The following ITSN2 variants were observed in gnomAD, a reference collection of about 807,000 sequenced individuals.
The protein encoded by ITSN2 is intersectin 2.
A neutral mutation model predicts 243.7 loss-of-function variants in ITSN2; 156 were observed. The observed-to-expected ratio is 0.64, with a 90% CI of 0.56 to 0.73. The LOEUF (loss-of-function observed/expected upper bound fraction) is 0.73, where lower values mean the gene tolerates loss of function less well. Among genes scored for constraint, ITSN2 ranks in the 30% least tolerant of loss-of-function variants. The probability of loss-of-function intolerance (pLI) is 0.00; values close to 1 mark genes in which losing one functional copy is unlikely to be tolerated. For missense variants in ITSN2, 1,801 were observed against 1,996.1 expected (o/e 0.90, Z 1.86); for synonymous variants, 703 against 699.9 (o/e 1.00, Z -0.07).
chr2:24,268,935 C>T (rs1323200380), intron 20 of ITSN2, among the ~76,000 whole-genome samples: 1 of 152,182 alleles, frequency 6.6e-6, no homozygotes, highest in Non-Finnish European at 1.5e-5. Flanking sequence ...GTCCACTTAA[C>T]TGATACTGCT....
chr2:24,296,273 T>C (rs1031172572), intron 13 of ITSN2, among the ~76,000 whole-genome samples: 1 of 152,202 alleles, frequency 6.6e-6, no homozygotes, highest in Non-Finnish European at 1.5e-5. Flanking sequence ...TGTTCTATAC[T>C]AATATTCTTC....
rs1048819778 is a variant in ITSN2 at position 24,249,024 on chromosome 2, G to A, written c.3121-142C>T. On this transcript the variant is annotated intron_variant, in intron 25 of 39. Transcript: ENST00000355123. This position sits in a 1 kb window ranked among gnomAD's most constrained non-coding sequence, Gnocchi z 4.4. ...AGATGAAAATGACAATGAACCTCATGCAGTATTAACAAATAAGTGAAAAAT... is the reference window on the plus strand; with the variant it reads ...AGATGAAAATGACAATGAACCTCATACAGTATTAACAAATAAGTGAAAAAT... The A allele has an allele frequency of 2.4e-6, 2 of 824,920 alleles. No homozygotes were observed. Among genetic ancestry groups the A allele is most frequent in the Non-Finnish European group, 3.9e-6 (2 of 517,600 alleles). 51.1% of individuals were successfully genotyped at this position (824,920 alleles called of 1,614,324 possible). A position where few individuals can be genotyped will look rare whatever the true frequency, so the allele number is the denominator to read the frequency against.
intron 37 of ITSN2, among the ~76,000 whole-genome samples, chr2:24,205,874 A>T (rs1668811042): frequency 6.6e-6 from 1 of 152,214 alleles, no homozygotes; most frequent in Non-Finnish European, 1.5e-5. Flanking sequence ...CTGATAATGT[A>T]GCTCCCCATT....
intron 20 of ITSN2, among the ~76,000 whole-genome samples, chr2:24,267,626 C>A (rs542533417): frequency 1.3e-5 from 2 of 152,314 alleles, no homozygotes; most frequent in East Asian, 3.9e-4. Flanking sequence ...GCAATCACAG[C>A]TCACTGTAGC....
chr2:24,274,350 G>A (rs987667677), intron 18 of ITSN2, among the ~76,000 whole-genome samples: 2 of 152,084 alleles, frequency 1.3e-5, no homozygotes, highest in East Asian at 1.9e-4. Context: ...TGGGCAGATC[G>A]CTTGAGCCCA....
At chr2:24,320,637 C>G (rs1268716248) in intron 2 of ITSN2, among the ~76,000 whole-genome samples, 2 of 150,718 alleles carry the variant, frequency 1.3e-5, no homozygotes, top group Non-Finnish European at 2.9e-5. Flanking sequence ...ATTGCTTGAG[C>G]CCAGGAGATC....
intron 16 of ITSN2, among the ~76,000 whole-genome samples, chr2:24,285,137 C>A (rs563899067): frequency 6.6e-6 from 1 of 151,972 alleles, no homozygotes; most frequent in African/African-American, 2.4e-5. Context: ...CCTCGTGATC[C>A]GCCCGCCTCA....
intron 1 of ITSN2, among the ~76,000 whole-genome samples, chr2:24,344,755 C>T (rs1687361703): frequency 6.6e-6 from 1 of 152,134 alleles, no homozygotes; most frequent in South Asian, 2.1e-4. Context: ...AGTTCAAGAC[C>T]AGCCTGTCCA....
intron 31 of ITSN2, among the ~76,000 whole-genome samples, chr2:24,217,307 T>C (rs1256631976): frequency 6.6e-6 from 1 of 152,214 alleles, no homozygotes; most frequent in Non-Finnish European, 1.5e-5. Flanking sequence ...TGGTTTCACC[T>C]TAGCTTCTTG....
chr2:24,240,291 T>C (rs536391741), intron 29 of ITSN2: 4 of 152,400 alleles, frequency 2.6e-5, no homozygotes, highest in African/African-American at 9.6e-5. Flanking sequence ...GGAGAGTCAG[T>C]TGAATTCACA....
intron 1 of ITSN2, among the ~76,000 whole-genome samples, chr2:24,330,072 T>C (rs778573101): frequency 3.3e-5 from 5 of 152,188 alleles, no homozygotes; most frequent in Non-Finnish European, 7.3e-5. Context: ...TTTTAAAACA[T>C]GGGAGAAAAC....
At chr2:24,272,694 C>G (rs1396805672) in intron 18 of ITSN2, among the ~76,000 whole-genome samples, 1 of 152,170 alleles carries the variant, frequency 6.6e-6, no homozygotes, top group Non-Finnish European at 1.5e-5. Context: ...CCTTGGCCTC[C>G]AAAGTGCTGA....
At chr2:24,233,492 T>C (rs1462613160) in intron 29 of ITSN2, among the ~76,000 whole-genome samples, 1 of 152,160 alleles carries the variant, frequency 6.6e-6, no homozygotes, top group Non-Finnish European at 1.5e-5. Flanking sequence ...TGTTCTGCTT[T>C]TGTGGTTGGG....
chr2:24,299,980 GT>G lies in ITSN2; in HGVS notation c.1272del (p.Lys424AsnfsTer3). 6.2e-7 allele frequency: 1 copy of G among 1,613,768 alleles called. No homozygotes were observed. Among genetic ancestry groups the G allele is most frequent in the Non-Finnish European group, 8.5e-7 (1 of 1,179,770 alleles). Reference protein sequence around the residue: ...QEWKKQLELEKRLEKQRELER... With the variant: ...QEWKKQLELEXRLEKQRELER... ...TCCAATTCCCGTTGCTTCTCTAAGCGTTTTTCTAATTCAAGTTGTTTCTTCC... is the reference window on the plus strand; with the variant it reads ...TCCAATTCCCGTTGCTTCTCTAAGCGTTTTCTAATTCAAGTTGTTTCTTCC... On this transcript the variant is annotated frameshift_variant, in exon 12 of 40. Transcript: ENST00000355123. LOFTEE classifies it high-confidence loss of function.
At chr2:24,333,776 AAGT>A (rs1267457883) in intron 1 of ITSN2, among the ~76,000 whole-genome samples, 1 of 152,194 alleles carries the variant, frequency 6.6e-6, no homozygotes, top group African/African-American at 2.4e-5. Flanking sequence ...AGACAGAAAA[AAGT>A]AGAAATGCTA....
chr2:24,318,198 A>G (rs1431911897), intron 2 of ITSN2, among the ~76,000 whole-genome samples: 1 of 152,104 alleles, frequency 6.6e-6, no homozygotes, highest in Non-Finnish European at 1.5e-5. Context: ...CCCAGGCTGG[A>G]GTACAGAGTG....
At position 24,271,759 on chromosome 2, in the gene ITSN2, T is replaced by G. The variant is rs760563727; in HGVS notation, c.2257+7A>C. On this transcript the variant is annotated splice_region_variant and intron_variant, in intron 19 of 39. Transcript: ENST00000355123. The stretch of plus-strand genomic sequence containing the variant: ...GTTCTACTGTCTCAAAGTATCCTTA[T>G]CCTTACGTTTTTTCTCCTCAGCTTT... The G allele has an allele frequency of 1.3e-6, 2 of 1,578,216 alleles. No individual in the cohort carries two copies. The highest frequency in any genetic ancestry group is 1.7e-6 in the Non-Finnish European group (2 of 1,168,602).
intron 37 of ITSN2, 78 bp downstream of exon 37, chr2:24,208,159 C>T (rs1475481448): frequency 8.2e-7 from 1 of 1,212,924 alleles, no homozygotes; most frequent in Non-Finnish European, 1.2e-6. Context: ...CCTATATCAT[C>T]AGCCTGACTG....
intron 17 of ITSN2, among the ~76,000 whole-genome samples, chr2:24,281,422 T>C (rs1678761973): frequency 6.6e-6 from 1 of 152,208 alleles, no homozygotes; most frequent in Admixed American, 6.5e-5. Context: ...ACATCCTTCA[T>C]GTCTAGTTCA....
Sources: allele counts gnomAD v4.1 joint callset (sites outside exome capture counted in the v4.1 genomes callset), GRCh38; gene constraint gnomAD v4.1.1; non-coding constraint Gnocchi (gnomAD v3.1); transcripts MANE v1.5; gene names NCBI Gene and HGNC (gene_info 2026-07-23, HGNC 2026-07-21).